RPS6KC1: variants seen among roughly 807,000 people sequenced by gnomAD.
RPS6KC1 encodes ribosomal protein S6 kinase C1.
RPS6KC1 carries 54 observed loss-of-function variants against 103.8 expected under a neutral mutation model. That is an observed-to-expected ratio of 0.52 (90% confidence interval 0.42 to 0.65). The LOEUF is 0.65. Among genes scored for constraint, RPS6KC1 ranks in the 30% least tolerant of loss-of-function variants. The probability of loss-of-function intolerance (pLI) is 0.00; values close to 1 mark genes in which losing one functional copy is unlikely to be tolerated. For missense variants in RPS6KC1, 1,151 were observed against 1,253.8 expected (o/e 0.92, Z 1.24); for synonymous variants, 439 against 438.7 (o/e 1.00, Z -0.01).
downstream of RPS6KC1, among the ~76,000 whole-genome samples, chr1:213,278,135 G>C (rs542133809): frequency 1.6e-4 from 24 of 151,976 alleles, no homozygotes; most frequent in African/African-American, 5.8e-4. Context: ...AGCCCGGGAG[G>C]TCAAGGCTGC....
chr1:213,242,758 C>A, intron 12 of RPS6KC1, 100 bp downstream of exon 12: 1 of 909,832 alleles, frequency 1.1e-6, no homozygotes, highest in Non-Finnish European at 1.7e-6. Flanking sequence ...TAGCAGTTTA[C>A]ATATGTGTTG....
intron 10 of RPS6KC1, among the ~76,000 whole-genome samples, chr1:213,235,159 C>T (rs1388654741): frequency 7.9e-5 from 12 of 152,304 alleles, no homozygotes; most frequent in Admixed American, 6.5e-5. Context: ...TGAATACTTA[C>T]GATTTGTGGC....
chr1:213,380,483 T>G, the RPS6KC1 span, among the ~76,000 whole-genome samples: 1 of 151,952 alleles, frequency 6.6e-6, no homozygotes, highest in African/African-American at 2.4e-5. Context: ...ACCCCTGAAC[T>G]TAAAATAAAA....
the RPS6KC1 span, among the ~76,000 whole-genome samples, chr1:213,755,705 C>T: frequency 6.6e-6 from 1 of 152,334 alleles, no homozygotes; most frequent in African/African-American, 2.4e-5. Flanking sequence ...TGTGGCTGCT[C>T]ACTGACATGC....
intron 6 of RPS6KC1, among the ~76,000 whole-genome samples, chr1:213,166,404 A>T (rs2090968761): frequency 6.6e-6 from 1 of 152,218 alleles, no homozygotes; most frequent in African/African-American, 2.4e-5. Flanking sequence ...GGCATGTTTT[A>T]TCTTCAAAGT....
the RPS6KC1 span, among the ~76,000 whole-genome samples, chr1:213,340,283 G>T: frequency 3.3e-5 from 5 of 152,214 alleles, no homozygotes; most frequent in African/African-American, 1.2e-4. Context: ...GCAAGTCCTT[G>T]TTTTTTCCAG....
At chr1:213,408,023 C>G in the RPS6KC1 span, among the ~76,000 whole-genome samples, 1 of 152,230 alleles carries the variant, frequency 6.6e-6, no homozygotes, top group Non-Finnish European at 1.5e-5. Flanking sequence ...CATCAGTGAT[C>G]TTAATCTGAG....
the RPS6KC1 span, among the ~76,000 whole-genome samples, chr1:213,618,156 T>A: frequency 6.6e-6 from 1 of 152,248 alleles, no homozygotes; most frequent in African/African-American, 2.4e-5. Flanking sequence ...CAAAAGGTGT[T>A]TCTTTATTTG....
chr1:213,237,064 T>A (rs1384667525), intron 10 of RPS6KC1, among the ~76,000 whole-genome samples: 1 of 150,418 alleles, frequency 6.6e-6, no homozygotes, highest in East Asian at 1.9e-4. Context: ...TCACTCCCTA[T>A]CTGTCTGTTT....
chr1:213,418,993 G>C, the RPS6KC1 span, among the ~76,000 whole-genome samples: 1 of 152,328 alleles, frequency 6.6e-6, no homozygotes, highest in Non-Finnish European at 1.5e-5. Flanking sequence ...GGGTTGTTCT[G>C]AATTGAGCCC....
chr1:213,813,797 A>AAC, the RPS6KC1 span, among the ~76,000 whole-genome samples: 1 of 152,196 alleles, frequency 6.6e-6, no homozygotes, highest in Admixed American at 6.5e-5. Flanking sequence ...GGGGGCTGCC[A>AAC]ACAGCAAGCT....
At chr1:213,769,175 T>C in the RPS6KC1 span, among the ~76,000 whole-genome samples, 1 of 151,992 alleles carries the variant, frequency 6.6e-6, no homozygotes, top group Non-Finnish European at 1.5e-5. Context: ...GTAATTAGGA[T>C]GAAAACTGAA....
At chr1:213,297,011 T>C in the RPS6KC1 span, among the ~76,000 whole-genome samples, 3 of 152,340 alleles carry the variant, frequency 2.0e-5, no homozygotes, top group South Asian at 6.2e-4. Context: ...TCTTCCTTTC[T>C]TCCCGATGCA....
intron 12 of RPS6KC1, among the ~76,000 whole-genome samples, chr1:213,245,160 T>C (rs2094434212): frequency 6.6e-6 from 1 of 152,212 alleles, no homozygotes; most frequent in Admixed American, 6.5e-5. Flanking sequence ...TGTGAATTAC[T>C]GTTTGCTCCA....
chr1:213,841,352 G>A, the RPS6KC1 span: 2 of 152,184 alleles, frequency 1.3e-5, no homozygotes, highest in Admixed American at 6.5e-5. Context: ...TAACATCTCA[G>A]AGGTGAGAAT....
the RPS6KC1 span, among the ~76,000 whole-genome samples, chr1:213,671,953 TA>T: frequency 5.8e-3 from 847 of 146,986 alleles, 7 homozygotes; most frequent in Middle Eastern, 0.042. Flanking sequence ...AAAATAAAGC[TA>T]AAAAAAAAAA....
At chr1:213,083,839 G>C (rs2080130831) in intron 3 of RPS6KC1, among the ~76,000 whole-genome samples, 1 of 152,114 alleles carries the variant, frequency 6.6e-6, no homozygotes. Context: ...ATGCAGAAGG[G>C]ATGGTATATC....
intron 5 of RPS6KC1, among the ~76,000 whole-genome samples, chr1:213,126,493 A>C (rs1304198886): frequency 6.6e-6 from 1 of 152,120 alleles, no homozygotes; most frequent in Non-Finnish European, 1.5e-5. Context: ...TCTAAAGCTG[A>C]TTAGAAATTT....
At chr1:213,785,983 G>T in the RPS6KC1 span, among the ~76,000 whole-genome samples, 1 of 151,990 alleles carries the variant, frequency 6.6e-6, no homozygotes, top group Non-Finnish European at 1.5e-5. Flanking sequence ...GGAAGCCCTT[G>T]GCATCATTCT....
Sources: gnomAD v4.1 joint callset for allele counts (sites outside exome capture counted in the v4.1 genomes callset) on GRCh38, gnomAD v4.1.1 for gene constraint, MANE v1.5 for transcripts, NCBI Gene and HGNC (gene_info 2026-07-23, HGNC 2026-07-21) for gene names.